Variants in ADAMTSL1 observed in about 807,000 individuals in gnomAD.
The protein encoded by ADAMTSL1 is ADAMTS-like protein 1.
ADAMTSL1 carries 126 observed loss-of-function variants against 201.8 expected under a neutral mutation model. That is an observed-to-expected ratio of 0.62 (90% CI 0.54 to 0.72). ADAMTSL1 has a LOEUF of 0.72. Ranked by LOEUF, ADAMTSL1 falls within the 30% of genes least tolerant of loss-of-function variation. The pLI is 0.00. For synonymous variants in ADAMTSL1, 1,121 were observed against 903.4 expected, an observed-to-expected ratio of 1.24 and a Z score of -4.32; for missense variants, 2,679 against 2,277.8, an observed-to-expected ratio of 1.18 and a Z score of -3.59.
intron 2 of ADAMTSL1, among the ~76,000 whole-genome samples, chr9:18,199,124 C>T (rs1464935964): frequency 1.6e-4 from 13 of 80,344 alleles, no homozygotes; most frequent in Admixed American, 3.0e-4. Flanking sequence ...TCGGGGGAGG[C>T]GGGAGGGATA....
intron 2 of ADAMTSL1, among the ~76,000 whole-genome samples, chr9:18,299,409 A>G (rs938512697): frequency 6.6e-6 from 1 of 152,178 alleles, no homozygotes; most frequent in Non-Finnish European, 1.5e-5. Context: ...CCATGAAACA[A>G]CTAGTCACCA....
At chr9:18,286,444 C>A (rs1389403677) in intron 2 of ADAMTSL1, among the ~76,000 whole-genome samples, 2 of 152,052 alleles carry the variant, frequency 1.3e-5, no homozygotes, top group African/African-American at 4.8e-5. Flanking sequence ...TTAGCTGGCT[C>A]CTGTTTGAAA....
chr9:18,907,133 T>C, intron 28 of ADAMTSL1: 1 of 555,690 alleles, frequency 1.8e-6, no homozygotes, highest in Middle Eastern at 2.7e-4. Flanking sequence ...ATGATCTCCA[T>C]CCTGGCCCTG....
At chr9:18,734,644 C>G (rs1050434425) in intron 15 of ADAMTSL1, among the ~76,000 whole-genome samples, 2 of 152,150 alleles carry the variant, frequency 1.3e-5, no homozygotes, top group Non-Finnish European at 2.9e-5. Context: ...CAGCCAGTGT[C>G]TTATGGAAAC....
chr9:18,289,646 A>T (rs1833170716), intron 2 of ADAMTSL1, among the ~76,000 whole-genome samples: 1 of 152,214 alleles, frequency 6.6e-6, no homozygotes. Flanking sequence ...CTGACTTCTC[A>T]GATCTGGCTA....
At chr9:18,107,996 A>T (rs986817218) in intron 1 of ADAMTSL1, among the ~76,000 whole-genome samples, 2 of 152,134 alleles carry the variant, frequency 1.3e-5, no homozygotes, top group Non-Finnish European at 2.9e-5. Flanking sequence ...CCTGTTTCTA[A>T]AACATATAGG....
intron 23 of ADAMTSL1, among the ~76,000 whole-genome samples, chr9:18,870,097 G>C (rs1397229971): frequency 6.6e-6 from 1 of 151,932 alleles, no homozygotes; most frequent in Non-Finnish European, 1.5e-5. Context: ...GTTTCTACTT[G>C]TCTACTGATA....
intron 1 of ADAMTSL1, among the ~76,000 whole-genome samples, chr9:18,060,798 G>A (rs1015623905): frequency 2.0e-5 from 3 of 152,084 alleles, no homozygotes; most frequent in African/African-American, 4.8e-5. Flanking sequence ...AAGAATCAAT[G>A]TCATTGCTAA....
chr9:18,067,782 T>G (rs1822775561), intron 1 of ADAMTSL1, among the ~76,000 whole-genome samples: 1 of 152,102 alleles, frequency 6.6e-6, no homozygotes, highest in African/African-American at 2.4e-5. Context: ...GGAGGAAGGC[T>G]AAAGAAATTT....
At chr9:18,277,013 A>G (rs1041706226) in intron 2 of ADAMTSL1, among the ~76,000 whole-genome samples, 2 of 152,192 alleles carry the variant, frequency 1.3e-5, no homozygotes, top group East Asian at 3.9e-4. Context: ...CCGATTGGCT[A>G]TTCAAGAACA....
intron 1 of ADAMTSL1, among the ~76,000 whole-genome samples, chr9:18,017,715 C>T (rs953816821): frequency 4.6e-5 from 7 of 151,980 alleles, no homozygotes; most frequent in East Asian, 1.9e-4. Context: ...GAACTGGCTA[C>T]GTTTCAATTT....
intron 1 of ADAMTSL1, among the ~76,000 whole-genome samples, chr9:18,123,205 AT>A (rs1232888723): frequency 6.6e-6 from 1 of 152,212 alleles, no homozygotes; most frequent in Non-Finnish European, 1.5e-5. Flanking sequence ...ATTCTAGCAT[AT>A]TTCATCTTCC....
At chr9:18,629,479 T>C (rs1361069766) in intron 5 of ADAMTSL1, among the ~76,000 whole-genome samples, 1 of 152,202 alleles carries the variant, frequency 6.6e-6, no homozygotes, top group Non-Finnish European at 1.5e-5. Flanking sequence ...TATTAAATTC[T>C]CTTTTACCTC....
intron 7 of ADAMTSL1, among the ~76,000 whole-genome samples, chr9:18,641,754 C>T (rs1827454400): frequency 1.3e-5 from 2 of 151,642 alleles, no homozygotes; most frequent in South Asian, 4.2e-4. Flanking sequence ...CTTTCTCTTC[C>T]CTAATTTTCC....
At chr9:17,929,248 C>A (rs1376468630) in intron 1 of ADAMTSL1, among the ~76,000 whole-genome samples, 1 of 152,094 alleles carries the variant, frequency 6.6e-6, no homozygotes, top group Non-Finnish European at 1.5e-5. Context: ...GCCGCCTTTA[C>A]ATCAGTATTT....
chr9:17,984,004 G>A (rs947413064), intron 1 of ADAMTSL1, among the ~76,000 whole-genome samples: 1 of 152,086 alleles, frequency 6.6e-6, no homozygotes, highest in Admixed American at 6.5e-5. Context: ...GATTTAATAA[G>A]AGATTTATAA....
intron 4 of ADAMTSL1, among the ~76,000 whole-genome samples, chr9:18,595,918 A>G (rs1263289990): frequency 2.0e-5 from 3 of 152,188 alleles, no homozygotes; most frequent in South Asian, 4.1e-4. Flanking sequence ...CTCCTAGGTC[A>G]TGGGCTCTGC....
At chr9:18,203,284 C>A (rs979625940) in intron 2 of ADAMTSL1, among the ~76,000 whole-genome samples, 1 of 152,048 alleles carries the variant, frequency 6.6e-6, no homozygotes, top group African/African-American at 2.4e-5. Flanking sequence ...CCGGCTGACG[C>A]TTCTGCCCAG....
At chr9:18,514,324 T>TTTC (rs1257613114) in intron 2 of ADAMTSL1, among the ~76,000 whole-genome samples, 3 of 143,680 alleles carry the variant, frequency 2.1e-5, no homozygotes, top group Non-Finnish European at 3.0e-5. Flanking sequence ...CTGATTTTTC[T>TTTC]TTCTTTTTTT....
Sources: gnomAD v4.1 joint callset for allele counts (sites outside exome capture counted in the v4.1 genomes callset) on GRCh38, gnomAD v4.1.1 for gene constraint, MANE v1.5 for transcripts, NCBI Gene and HGNC (gene_info 2026-07-23, HGNC 2026-07-21) for gene names.